The following GMCL1 variants were observed in gnomAD, a reference collection of about 807,000 sequenced individuals.
GMCL1 encodes the protein germ cell-less protein-like 1.
Under a neutral mutation model 75.5 loss-of-function variants are expected in GMCL1, and 54 were observed. The ratio of observed to expected loss-of-function variants is 0.71; its 90% CI spans 0.57 to 0.90. GMCL1 has a LOEUF of 0.90. GMCL1 is among the 40% of genes least tolerant of loss of function. The probability of loss-of-function intolerance (pLI) is 0.00; values close to 1 mark genes in which losing one functional copy is unlikely to be tolerated. For missense variants in GMCL1, 537 were observed against 622.7 expected (o/e 0.86, Z 1.47); for synonymous variants, 210 against 209.6 (o/e 1.00, Z -0.02).
chr2:69,859,971 A>G (rs1282075006), intron 9 of GMCL1, among the ~76,000 whole-genome samples: 1 of 152,080 alleles, frequency 6.6e-6, no homozygotes, highest in Non-Finnish European at 1.5e-5. Flanking sequence ...AAGAGCAGAA[A>G]GATAAATAGT....
intron 8 of GMCL1, among the ~76,000 whole-genome samples, chr2:69,852,949 T>C (rs1675361178): frequency 6.6e-6 from 1 of 152,256 alleles, no homozygotes; most frequent in Admixed American, 6.5e-5. Context: ...TACACAATTA[T>C]ACTTAAGGAT....
chr2:69,874,961 T>G (rs113778350), intron 13 of GMCL1, among the ~76,000 whole-genome samples: 8 of 152,136 alleles, frequency 5.3e-5, no homozygotes, highest in African/African-American at 1.9e-4. Flanking sequence ...CCTGGGCTTG[T>G]CTGGAATTCC....
At chr2:69,831,206 A>C (rs1674661142) in intron 1 of GMCL1, among the ~76,000 whole-genome samples, 1 of 152,244 alleles carries the variant, frequency 6.6e-6, no homozygotes, top group Non-Finnish European at 1.5e-5. Context: ...GGCGTGAGCC[A>C]CTGCGCACCC....
intron 10 of GMCL1, among the ~76,000 whole-genome samples, chr2:69,864,208 ATTATT>A (rs1320501018): frequency 6.6e-6 from 1 of 151,756 alleles, no homozygotes; most frequent in East Asian, 1.9e-4. Flanking sequence ...TATTTGTTTC[ATTATT>A]TTATTATGTA....
intron 1 of GMCL1, among the ~76,000 whole-genome samples, chr2:69,835,198 A>G (rs913411539): frequency 5.3e-5 from 8 of 152,152 alleles, no homozygotes; most frequent in Non-Finnish European, 1.0e-4. Context: ...AGGAAGGATC[A>G]CCCAACATGA....
At chr2:69,852,558 G>GTTTTT (rs1675349819) in intron 8 of GMCL1, among the ~76,000 whole-genome samples, 1 of 131,534 alleles carries the variant, frequency 7.6e-6, no homozygotes, top group African/African-American at 3.3e-5. Flanking sequence ...TTTTTTTTGA[G>GTTTTT]ACAGAGTCTT....
chr2:69,837,249 T>C (rs1415426688), intron 1 of GMCL1, among the ~76,000 whole-genome samples: 2 of 152,192 alleles, frequency 1.3e-5, no homozygotes, highest in African/African-American at 4.8e-5. Context: ...GTAATTAAAT[T>C]AGTCCAAAAT....
At chr2:69,834,999 A>G (rs567381984) in intron 1 of GMCL1, among the ~76,000 whole-genome samples, 1 of 151,890 alleles carries the variant, frequency 6.6e-6, no homozygotes, top group African/African-American at 2.4e-5. Flanking sequence ...CAGGGGTGAA[A>G]ATTACTAAAA....
Position 69,840,955 on chromosome 2 carries a change from A to G in GMCL1, c.495A>G (p.Ala165=), listed in dbSNP as rs980711122. The part of the protein sequence containing the change: ...QNIDVEALQV[A]FGSLYRDDVL... ...CCTTGCTTTCAGCACTGCAGGTTGCATTTGGTTCACTGTATCGAGATGATG... is the reference window on the plus strand; with the variant it reads ...CCTTGCTTTCAGCACTGCAGGTTGCGTTTGGTTCACTGTATCGAGATGATG... The change falls in exon 4 of 14, where the codon GCA becomes GCG. Residue 165 remains alanine, a synonymous_variant. Coordinates refer to ENST00000282570, the MANE Select transcript of GMCL1 (RefSeq NM_178439.5). The G allele has an allele frequency of 2.5e-6, 4 of 1,613,584 alleles. No individual in the cohort carries two copies. The highest frequency in any genetic ancestry group is 3.4e-6 in the Non-Finnish European group (4 of 1,179,670).
intron 11 of GMCL1, among the ~76,000 whole-genome samples, chr2:69,865,231 C>T (rs1345881589): frequency 6.6e-6 from 1 of 152,144 alleles, no homozygotes; most frequent in East Asian, 1.9e-4. Flanking sequence ...CCTTAGCAAT[C>T]CAGAAATTAA....
At chr2:69,867,242 A>G (rs1488952971) in intron 11 of GMCL1, among the ~76,000 whole-genome samples, 1 of 151,886 alleles carries the variant, frequency 6.6e-6, no homozygotes, top group Non-Finnish European at 1.5e-5. Context: ...CACCACGTCC[A>G]GCCCTCACTA....
chr2:69,833,957 A>C (rs1262180342), intron 1 of GMCL1, among the ~76,000 whole-genome samples: 3 of 152,222 alleles, frequency 2.0e-5, no homozygotes, highest in African/African-American at 4.8e-5. Flanking sequence ...AGGATTATAA[A>C]TCATACTTGA....
At chr2:69,832,436 C>A (rs1279304476) in intron 1 of GMCL1, among the ~76,000 whole-genome samples, 1 of 152,086 alleles carries the variant, frequency 6.6e-6, no homozygotes, top group Admixed American at 6.6e-5. Context: ...CCTTCTTTAT[C>A]CCTAGTAATT....
intron 5 of GMCL1, among the ~76,000 whole-genome samples, chr2:69,843,853 T>C (rs1675053709): frequency 6.6e-6 from 1 of 152,206 alleles, no homozygotes; most frequent in African/African-American, 2.4e-5. Flanking sequence ...TGTTTTGAGA[T>C]TTTAAAGAAG....
At chr2:69,841,695 G>A (rs1366535221) in intron 4 of GMCL1, among the ~76,000 whole-genome samples, 1 of 152,224 alleles carries the variant, frequency 6.6e-6, no homozygotes, top group Non-Finnish European at 1.5e-5. Context: ...ACATCCTGTA[G>A]CATTTAGTGA....
At chr2:69,833,443 C>T (rs370714640) in intron 1 of GMCL1, among the ~76,000 whole-genome samples, 6 of 152,012 alleles carry the variant, frequency 3.9e-5, no homozygotes, top group African/African-American at 1.5e-4. Context: ...AGTGAAACCC[C>T]GCCTCTACCA....
At chr2:69,833,274 G>A (rs13001921) in intron 1 of GMCL1, among the ~76,000 whole-genome samples, 13,214 of 152,128 alleles carry the variant, frequency 0.087, 743 homozygotes, top group South Asian at 0.14. Flanking sequence ...TATATTACTG[G>A]AAGATGCTTG....
chr2:69,845,093 C>T (rs569395298), intron 6 of GMCL1, among the ~76,000 whole-genome samples: 1 of 152,312 alleles, frequency 6.6e-6, no homozygotes, highest in South Asian at 2.1e-4. Context: ...ATAGTGACAT[C>T]CCCTCTCTTT....
chr2:69,862,020 C>A (rs1357587406), intron 10 of GMCL1, among the ~76,000 whole-genome samples: 1 of 152,080 alleles, frequency 6.6e-6, no homozygotes, highest in African/African-American at 2.4e-5. Context: ...ACAAAACAAA[C>A]AAACAAACAA....
Sources: gnomAD v4.1 joint callset for allele counts (sites outside exome capture counted in the v4.1 genomes callset) on GRCh38, gnomAD v4.1.1 for gene constraint, MANE v1.5 for transcripts, NCBI Gene and HGNC (gene_info 2026-07-23, HGNC 2026-07-21) for gene names.